The following RTN1 variants were observed in gnomAD, a reference collection of about 807,000 sequenced individuals.
The protein encoded by RTN1 is reticulon-1.
Under a neutral mutation model 65.5 loss-of-function variants are expected in RTN1, and 25 were observed. The ratio of observed to expected loss-of-function variants is 0.38; its 90% CI spans 0.28 to 0.53. The LOEUF (loss-of-function observed/expected upper bound fraction) is 0.53, where lower values mean the gene tolerates loss of function less well. RTN1 is among the 20% of genes least tolerant of loss of function. The probability of loss-of-function intolerance (pLI) is 0.79; values close to 1 mark genes in which losing one functional copy is unlikely to be tolerated. For synonymous variants in RTN1, 471 were observed against 447.6 expected (o/e 1.05, Z -0.66); for missense variants, 983 against 1,025.4 (o/e 0.96, Z 0.57).
intron 1 of RTN1, among the ~76,000 whole-genome samples, chr14:59,852,336 C>T (rs1294835556): frequency 1.3e-5 from 2 of 152,064 alleles, no homozygotes; most frequent in African/African-American, 2.4e-5. Flanking sequence ...GCACACTTTA[C>T]ATAAAATTGA....
At chr14:59,663,215 G>A (rs568317802) in intron 3 of RTN1, among the ~76,000 whole-genome samples, 3 of 152,314 alleles carry the variant, frequency 2.0e-5, no homozygotes, top group Admixed American at 6.5e-5. Context: ...CTAGCCACAT[G>A]TAGAAAACTG....
intron 3 of RTN1, among the ~76,000 whole-genome samples, chr14:59,638,349 T>C (rs1319077867): frequency 1.3e-5 from 2 of 152,210 alleles, no homozygotes; most frequent in Admixed American, 1.3e-4. Flanking sequence ...TAAACAGTAG[T>C]TCTCAACAGT....
intron 1 of RTN1, among the ~76,000 whole-genome samples, chr14:59,805,139 G>C (rs939585328): frequency 6.6e-6 from 1 of 152,104 alleles, no homozygotes; most frequent in Non-Finnish European, 1.5e-5. Context: ...CTTCATTCAG[G>C]TCTCTCTTCA....
At chr14:59,718,839 A>T (rs1884591444) in intron 3 of RTN1, among the ~76,000 whole-genome samples, 1 of 152,196 alleles carries the variant, frequency 6.6e-6, no homozygotes, top group Non-Finnish European at 1.5e-5. Context: ...CAAAAACTGA[A>T]ATATAATTTG....
intron 3 of RTN1, among the ~76,000 whole-genome samples, chr14:59,674,764 C>CA (rs1230003076): frequency 6.6e-6 from 1 of 151,994 alleles, no homozygotes; most frequent in Non-Finnish European, 1.5e-5. Flanking sequence ...ATGAAAGATG[C>CA]AAATGGCAAA....
chr14:59,805,069 C>T (rs985437224), intron 1 of RTN1, among the ~76,000 whole-genome samples: 11 of 152,210 alleles, frequency 7.2e-5, no homozygotes, highest in African/African-American at 2.4e-4. Flanking sequence ...GAGGACTTTG[C>T]ACTTCTTCCA....
chr14:59,630,763 C>T, intron 3 of RTN1: 4 of 1,073,432 alleles, frequency 3.7e-6, no homozygotes, highest in Non-Finnish European at 4.5e-6. Context: ...CACGCGACAG[C>T]GTTGGCTGGG....
chr14:59,823,696 C>A (rs1886982681), intron 1 of RTN1, among the ~76,000 whole-genome samples: 1 of 152,156 alleles, frequency 6.6e-6, no homozygotes, highest in South Asian at 2.1e-4. Context: ...CTCTAGCTGC[C>A]TTTGAGGGTT....
At chr14:59,785,929 A>C (rs556431282) in intron 1 of RTN1, among the ~76,000 whole-genome samples, 26 of 152,316 alleles carry the variant, frequency 1.7e-4, no homozygotes, top group African/African-American at 5.5e-4. Flanking sequence ...TTGAAACCCC[A>C]ACAGTCACAA....
chr14:59,604,644 G>C (rs1359661531), intron 5 of RTN1: 1 of 152,254 alleles, frequency 6.6e-6, no homozygotes, highest in Non-Finnish European at 1.5e-5. Flanking sequence ...TCTTTGAACA[G>C]TTACCAGACA....
chr14:59,614,212 GGGGATCC>G (rs1163116051), intron 3 of RTN1, among the ~76,000 whole-genome samples: 1 of 152,054 alleles, frequency 6.6e-6, no homozygotes, highest in Non-Finnish European at 1.5e-5. Context: ...TCCTCCTTTT[GGGGATCC>G]GGGATCCGGT....
chr14:59,747,427 T>C (rs1015158878), intron 1 of RTN1, among the ~76,000 whole-genome samples: 6 of 152,272 alleles, frequency 3.9e-5, no homozygotes, highest in Non-Finnish European at 7.3e-5. Context: ...CCTGACAACA[T>C]GGAGAAACTC....
intron 3 of RTN1, among the ~76,000 whole-genome samples, chr14:59,609,270 G>A (rs1250373952): frequency 6.8e-6 from 1 of 146,992 alleles, no homozygotes; most frequent in Non-Finnish European, 1.5e-5. Flanking sequence ...GGAAACAAGA[G>A]CGAAACTCTG....
In RTN1 at chr14:59,605,499, A is replaced by G; in HGVS notation, c.1981T>C (p.Leu661=). The G allele has an allele frequency of 1.2e-6, 2 of 1,613,942 alleles. No homozygotes were observed. Among genetic ancestry groups the G allele is most frequent in the Middle Eastern group, 1.7e-4 (1 of 6,060 alleles). Residue 661 remains leucine, a synonymous_variant, in exon 5 of 9, where the codon TTG becomes CTG. Coordinates refer to ENST00000267484, the MANE Select transcript of RTN1 (RefSeq NM_021136.3). Reference sequence around the variant, plus strand: ...TGAGAAAGGGTGATCTCAAGCTCCAAGTAGGCCCTGTCAACAAACCATTCC... The same window carrying G: ...TGAGAAAGGGTGATCTCAAGCTCCAGGTAGGCCCTGTCAACAAACCATTCC... The part of the protein sequence containing the change: ...TDEGHPFKAY[L]ELEITLSQEQ...
In RTN1 at chr14:59,630,577, G is replaced by C. The variant is rs1882522550; in HGVS notation, c.1766-23085C>G. 3.7e-6 allele frequency: 6 copies of C among 1,600,562 alleles called. No individual in the cohort carries two copies. The South Asian group carries it at 6.6e-5, about 18-fold the overall frequency. ...AGCGTGCACTCAAGCGTTGGTGCCC[G>C]GCTGCTGCGGCTGGGCTCGCAGTGG... is the stretch of plus-strand genomic sequence containing the variant. On this transcript the variant is annotated intron_variant, in intron 3 of 8. Coordinates refer to ENST00000267484, the MANE Select transcript of RTN1 (RefSeq NM_021136.3).
Position 59,836,955 on chromosome 14 carries a change from C to T in RTN1, c.241+33435G>A, listed in dbSNP as rs370463579. Among the ~76,000 whole-genome samples the T allele has an allele frequency of 5.9e-4, 90 of 152,194 alleles. 2 individuals carry two copies. In the South Asian group the frequency reaches 0.017, roughly 29 times the overall value. Reference sequence around the variant, plus strand: ...CTTATCATGCCCCTGAAATTTTAATCAAATGCTTTGCTGACTTTTTTTATT... The same window carrying T: ...CTTATCATGCCCCTGAAATTTTAATTAAATGCTTTGCTGACTTTTTTTATT... On this transcript the variant is annotated intron_variant, in intron 1 of 8. Transcript: ENST00000267484. The surrounding 1 kb of genome is among the most constrained non-coding windows in gnomAD (Gnocchi z 4.9).
At chr14:59,618,600 G>A (rs1162421393) in intron 3 of RTN1, among the ~76,000 whole-genome samples, 1 of 152,220 alleles carries the variant, frequency 6.6e-6, no homozygotes, top group Non-Finnish European at 1.5e-5. Flanking sequence ...GCTCTGTCTA[G>A]GCAGCAGGAA....
chr14:59,633,221 G>A (rs1245620296), intron 3 of RTN1, among the ~76,000 whole-genome samples: 1 of 152,240 alleles, frequency 6.6e-6, no homozygotes, highest in Non-Finnish European at 1.5e-5. Context: ...GATAGTTGAA[G>A]GTTGAGGAAG....
At chr14:59,686,236 A>G (rs1438870803) in intron 3 of RTN1, among the ~76,000 whole-genome samples, 1 of 152,206 alleles carries the variant, frequency 6.6e-6, no homozygotes, top group Non-Finnish European at 1.5e-5. Context: ...TTTAGGGAGA[A>G]AGCTCTGTGA....
Sources: allele counts gnomAD v4.1 joint callset (sites outside exome capture counted in the v4.1 genomes callset), GRCh38; gene constraint gnomAD v4.1.1; non-coding constraint Gnocchi (gnomAD v3.1); transcripts MANE v1.5; gene names NCBI Gene and HGNC (gene_info 2026-07-23, HGNC 2026-07-21).